The following VTI1A variants were observed in gnomAD, a reference collection of about 807,000 sequenced individuals.
The protein encoded by VTI1A is vesicle transport through interaction with t-SNAREs homolog 1A.
VTI1A carries 22 observed loss-of-function variants against 34.9 expected under a neutral mutation model. The observed-to-expected ratio is 0.63, with a 90% CI of 0.45 to 0.90. The LOEUF is 0.90. Among genes scored for constraint, VTI1A ranks in the 40% least tolerant of loss-of-function variants. VTI1A has a pLI of 0.00. For missense variants in VTI1A, 268 were observed against 275.6 expected (o/e 0.97, Z 0.20); for synonymous variants, 87 against 97.3 (o/e 0.89, Z 0.62).
At chr10:112,609,650 T>C (rs1845216931) in intron 5 of VTI1A, among the ~76,000 whole-genome samples, 1 of 152,242 alleles carries the variant, frequency 6.6e-6, no homozygotes. Context: ...TTTTAAAGTC[T>C]TTCTTCTGAA....
intron 7 of VTI1A, among the ~76,000 whole-genome samples, chr10:112,687,085 T>G (rs532418488): frequency 1.3e-5 from 2 of 152,048 alleles, no homozygotes; most frequent in Non-Finnish European, 2.9e-5. Context: ...AATCGGTGAA[T>G]GGAGGGGTAG....
chr10:112,783,485 A>G (rs868576685), intron 7 of VTI1A, among the ~76,000 whole-genome samples: 1 of 152,154 alleles, frequency 6.6e-6, no homozygotes, highest in African/African-American at 2.4e-5. Context: ...TCTCATGATC[A>G]ACAGATGTAA....
intron 7 of VTI1A, among the ~76,000 whole-genome samples, chr10:112,700,141 C>CAAAA (rs1242861727): frequency 9.6e-6 from 1 of 104,098 alleles, no homozygotes; most frequent in Non-Finnish European, 1.9e-5. Context: ...AAAAACAAAA[C>CAAAA]AAAAAAAAAA....
At chr10:112,567,125 G>C (rs1352461596) in intron 5 of VTI1A, among the ~76,000 whole-genome samples, 1 of 151,988 alleles carries the variant, frequency 6.6e-6, no homozygotes, top group East Asian at 1.9e-4. Flanking sequence ...GACCTCCCTG[G>C]CTCAGGTAAC....
At chr10:112,482,498 G>A (rs569692888) in intron 3 of VTI1A, among the ~76,000 whole-genome samples, 4 of 152,060 alleles carry the variant, frequency 2.6e-5, no homozygotes, top group South Asian at 2.1e-4. Context: ...TTTCTAATTC[G>A]AATGAAAAAT....
At chr10:112,846,065 A>G in the VTI1A span, among the ~76,000 whole-genome samples, 52 of 152,318 alleles carry the variant, frequency 3.4e-4, no homozygotes, top group African/African-American at 1.1e-3. Context: ...TTTCTGGAGA[A>G]GAGAAGAGGG....
At chr10:112,479,114 C>G (rs1848380201) in intron 3 of VTI1A, among the ~76,000 whole-genome samples, 1 of 152,098 alleles carries the variant, frequency 6.6e-6, no homozygotes, top group Non-Finnish European at 1.5e-5. Flanking sequence ...TTGCAGTGAG[C>G]CAAGATTGCG....
At chr10:112,798,878 G>C (rs970692858) in intron 7 of VTI1A, among the ~76,000 whole-genome samples, 3 of 152,182 alleles carry the variant, frequency 2.0e-5, no homozygotes, top group Non-Finnish European at 4.4e-5. Context: ...ACGCTGCATA[G>C]AAAATGCACA....
chr10:112,814,123 C>T (rs1156685084), intron 7 of VTI1A, among the ~76,000 whole-genome samples: 1 of 152,118 alleles, frequency 6.6e-6, no homozygotes, highest in African/African-American at 2.4e-5. Context: ...GTAGAAAATA[C>T]CCTGCAAAGA....
intron 5 of VTI1A, among the ~76,000 whole-genome samples, chr10:112,581,422 T>C (rs1337699894): frequency 6.6e-6 from 1 of 152,224 alleles, no homozygotes; most frequent in Non-Finnish European, 1.5e-5. Context: ...TGGTCTGATT[T>C]TTATTGGGAC....
chr10:112,543,087 T>C (rs775112019), intron 5 of VTI1A, among the ~76,000 whole-genome samples: 1 of 152,232 alleles, frequency 6.6e-6, no homozygotes, highest in Non-Finnish European at 1.5e-5. Flanking sequence ...TTGATGAACA[T>C]TTGGGTTCGT....
chr10:112,585,416 T>C (rs555799289), intron 5 of VTI1A, among the ~76,000 whole-genome samples: 5 of 152,322 alleles, frequency 3.3e-5, no homozygotes, highest in Admixed American at 6.5e-5. Flanking sequence ...AGTTTTGACA[T>C]CTGAACATTC....
intron 7 of VTI1A, among the ~76,000 whole-genome samples, chr10:112,787,387 A>G (rs1852319081): frequency 6.6e-6 from 1 of 151,776 alleles, no homozygotes; most frequent in Admixed American, 6.6e-5. Context: ...TCTACTTTCT[A>G]TTGTATTAAT....
Position 112,794,969 on chromosome 10 carries a change from G to A in VTI1A, c.561-20321G>A, listed in dbSNP as rs191732103. Among the ~76,000 whole-genome samples, 3 of 152,290 alleles carry A rather than the reference G, an allele frequency of 2.0e-5. No homozygotes were observed. In the East Asian group the frequency reaches 5.8e-4, roughly 29 times the overall value. ...TCATATTACCATATTCCTTTGAGGA[G>A]GACATTGCGTTTTCTCTTCTTTTAC... On this transcript the variant is annotated intron_variant, in intron 7 of 7. Coordinates refer to ENST00000393077, the MANE Select transcript of VTI1A (RefSeq NM_145206.4).
chr10:112,700,263 G>A (rs1848964827), intron 7 of VTI1A, among the ~76,000 whole-genome samples: 1 of 151,984 alleles, frequency 6.6e-6, no homozygotes, highest in Admixed American at 6.6e-5. Flanking sequence ...GAGATTGGAT[G>A]TTACTGGTCC....
At chr10:112,708,830 G>A (rs954704665) in intron 7 of VTI1A, among the ~76,000 whole-genome samples, 5 of 152,166 alleles carry the variant, frequency 3.3e-5, no homozygotes, top group Non-Finnish European at 5.9e-5. Context: ...CCACTTCGCC[G>A]TTTGCCGTGA....
chr10:112,674,858 A>T (rs1042400976), intron 7 of VTI1A, among the ~76,000 whole-genome samples: 1 of 152,198 alleles, frequency 6.6e-6, no homozygotes, highest in Non-Finnish European at 1.5e-5. Context: ...CCAGTTTGTG[A>T]ATCAGAACCA....
intron 3 of VTI1A, among the ~76,000 whole-genome samples, chr10:112,468,684 A>G (rs1847983216): frequency 6.6e-6 from 1 of 152,088 alleles, no homozygotes; most frequent in South Asian, 2.1e-4. Context: ...ACTTACTCCC[A>G]TAACCTCCTC....
At chr10:112,712,866 C>T (rs1849475939) in intron 7 of VTI1A, among the ~76,000 whole-genome samples, 1 of 152,126 alleles carries the variant, frequency 6.6e-6, no homozygotes, top group African/African-American at 2.4e-5. Context: ...GATGTGCTCC[C>T]CCATTGTTGT....
Sources: allele counts gnomAD v4.1 joint callset (sites outside exome capture counted in the v4.1 genomes callset), GRCh38; gene constraint gnomAD v4.1.1; transcripts MANE v1.5; gene names NCBI Gene and HGNC (gene_info 2026-07-23, HGNC 2026-07-21).